Variants in ZNF738 observed in about 807,000 individuals in gnomAD.
ZNF738 encodes the protein protein ZNF738.
A neutral mutation model predicts 9.2 loss-of-function variants in ZNF738; 10 were observed. The observed-to-expected ratio is 1.09, with a 90% CI of 0.67 to 1.85. The LOEUF (loss-of-function observed/expected upper bound fraction) is 1.85. Among genes scored for constraint, ZNF738 ranks in the 40% most tolerant of loss-of-function variants. ZNF738 has a pLI of 0.00. For synonymous variants in ZNF738, 113 were observed against 94.5 expected, an observed-to-expected ratio of 1.20 and a Z score of -1.14; for missense variants, 346 against 283.6, an observed-to-expected ratio of 1.22 and a Z score of -1.58.
chr19:21,378,748 T>C, intron 4 of ZNF738: 1 of 306,374 alleles, frequency 3.3e-6, no homozygotes, highest in Admixed American at 4.6e-5. Context: ...TACGGGCATA[T>C]GCCACCACAC....
At chr19:21,368,265 G>A (rs560295478) in intron 2 of ZNF738, among the ~76,000 whole-genome samples, 1 of 151,966 alleles carries the variant, frequency 6.6e-6, no homozygotes, top group African/African-American at 2.4e-5. Flanking sequence ...TCCTCAACTA[G>A]GCCTCCATGA....
chr19:21,387,775 CAT>C lies in ZNF738; in HGVS notation c.*4103_*4104del, dbSNP rs139043452. 2.8e-4 allele frequency among the ~76,000 whole-genome samples: 43 copies of C among 152,226 alleles called. No individual in the cohort carries two copies. The highest frequency in any genetic ancestry group is 9.6e-4 in the African/African-American group (40 of 41,534). ...TTATATTGAAGATGGACATTACAAA[CAT>C]AAAGAGGGTTGTAGTACCTTTACTT... On this transcript the variant is annotated 3_prime_UTR_variant, in exon 5 of 5. Coordinates refer to ENST00000683779, the MANE Select transcript of ZNF738 (RefSeq NM_001355237.2).
Position 21,383,700 on chromosome 19 carries a change from C to T in ZNF738, c.*26C>T, listed in dbSNP as rs1974034264. On this transcript the variant is annotated 3_prime_UTR_variant, in exon 5 of 5. Coordinates refer to ENST00000683779, the MANE Select transcript of ZNF738 (RefSeq NM_001355237.2). ...TGTGGCAAAGCCTTTAATGTATTCG[C>T]AACCCTTACTAGACATAAGATAATT... 2.0e-6 allele frequency: 2 copies of T among 1,003,012 alleles called. No individual in the cohort carries two copies. Among genetic ancestry groups the T allele is most frequent in the East Asian group, 5.2e-5 (2 of 38,774 alleles). The allele number at this position is 1,003,012 out of a possible 1,614,324, so 62.1% of individuals were successfully genotyped here. A position where few individuals can be genotyped will look rare whatever the true frequency, so the allele number is the denominator to read the frequency against.
intron 1 of ZNF738, 25 bp downstream of exon 1, chr19:21,359,168 C>G (rs1386364417): frequency 4.8e-6 from 5 of 1,035,122 alleles, no homozygotes; most frequent in Non-Finnish European, 7.7e-6. Flanking sequence ...TCCAACATCC[C>G]GAGAGAGGGG....
intron 4 of ZNF738, among the ~76,000 whole-genome samples, chr19:21,379,496 C>T (rs1394680675): frequency 1.3e-5 from 2 of 152,134 alleles, no homozygotes; most frequent in Non-Finnish European, 2.9e-5. Context: ...TCACTCACTG[C>T]ACCTGTTTTC....
chr19:21,378,031 G>A (rs545676512), intron 4 of ZNF738: 11 of 397,414 alleles, frequency 2.8e-5, no homozygotes, highest in East Asian at 7.2e-5. Context: ...TTTGTGGTAC[G>A]TGGGGGATTA....
intron 2 of ZNF738, among the ~76,000 whole-genome samples, chr19:21,366,554 C>T (rs191514279): frequency 6.6e-6 from 1 of 152,152 alleles, no homozygotes; most frequent in East Asian, 1.9e-4. Context: ...TTGATCCATA[C>T]CCCAAGAGAG....
At chr19:21,382,774 A>G (rs1014020728) in intron 4 of ZNF738, 92 bp from the exon 5 acceptor site, 2 of 240,648 alleles carry the variant, frequency 8.3e-6, no homozygotes, top group African/African-American at 2.3e-5. Context: ...CATCTTGTAT[A>G]TGTAGTTTGT....
At position 21,385,058 on chromosome 19, in the gene ZNF738, T is replaced by G. The variant is rs2145245622; in HGVS notation, c.*1384T>G. On this transcript the variant is annotated 3_prime_UTR_variant, in exon 5 of 5. Coordinates refer to ENST00000683779, the MANE Select transcript of ZNF738 (RefSeq NM_001355237.2). ...ACTGGTCCTCTACCCTTACTAAAGA[T>G]AAAAGAGTTTGACTGGGTGCGGTGG... Among the ~76,000 whole-genome samples, 1 of 152,268 alleles carries G rather than the reference T, an allele frequency of 6.6e-6. No individual in the cohort carries two copies. The highest frequency in any genetic ancestry group is 2.1e-4 in the South Asian group (1 of 4,818).
At chr19:21,364,742 CTTTT>C (rs766954668) in intron 2 of ZNF738, among the ~76,000 whole-genome samples, 89,757 of 122,948 alleles carry the variant, frequency 0.73, 31,884 homozygotes, top group Middle Eastern at 0.77. Context: ...ATGGTTCTTT[CTTTT>C]TTTTTTTTTT....
At chr19:21,376,446 ATTC>A (rs1973929102) in intron 4 of ZNF738, 1 of 152,586 alleles carries the variant, frequency 6.6e-6, no homozygotes, top group African/African-American at 2.4e-5. Flanking sequence ...TTATTAGTAT[ATTC>A]TTGAAATATA....
chr19:21,359,099 G>A lies in ZNF738; in HGVS notation c.-42G>A. ...TGGTCCTGTGACCTGCAGGTATTGG[G>A]AATCCACAGCTAAGACGCCGGGACA... On this transcript the variant is annotated 5_prime_UTR_variant, in exon 1 of 5. Coordinates refer to ENST00000683779, the MANE Select transcript of ZNF738 (RefSeq NM_001355237.2). 1 of 1,027,638 alleles carries A rather than the reference G, an allele frequency of 9.7e-7. No individual in the cohort carries two copies. Among genetic ancestry groups the A allele is most frequent in the South Asian group, 1.3e-5 (1 of 79,394 alleles). 63.7% of individuals were successfully genotyped at this position (1,027,638 alleles called of 1,614,324 possible). A position where few individuals can be genotyped will look rare whatever the true frequency, so the allele number is the denominator to read the frequency against.
rs1974040666 is a variant in ZNF738 at position 21,384,249 on chromosome 19, A to G, written c.*575A>G. 7.0e-7 allele frequency: 1 copy of G among 1,424,740 alleles called. No individual in the cohort carries two copies. Among genetic ancestry groups the G allele is most frequent in the Non-Finnish European group, 9.9e-7 (1 of 1,013,634 alleles). The allele number at this position is 1,424,740 out of a possible 1,614,324, so 88.3% of individuals were successfully genotyped here. On this transcript the variant is annotated 3_prime_UTR_variant, in exon 5 of 5. Coordinates refer to ENST00000683779, the MANE Select transcript of ZNF738 (RefSeq NM_001355237.2). ...AATTCATACTGGTGAGAAACCCTAC[A>G]AATGTGAAGAATGTGGCAAAGCCTT...
intron 4 of ZNF738, chr19:21,381,490 T>A: frequency 9.6e-7 from 1 of 1,043,072 alleles, no homozygotes; most frequent in Non-Finnish European, 1.5e-6. Flanking sequence ...CAGGCTTACC[T>A]TTTTCTTTTT....
At chr19:21,360,106 A>G (rs1165210212) in intron 1 of ZNF738, among the ~76,000 whole-genome samples, 7 of 152,206 alleles carry the variant, frequency 4.6e-5, no homozygotes, top group Non-Finnish European at 4.4e-5. Context: ...TCGGAGCTCA[A>G]TTGGCAGTTT....
chr19:21,382,957 T>G lies in ZNF738; in HGVS notation c.411T>G (p.Tyr137Ter). The change falls in exon 5 of 5, where the codon TAT becomes TAG. Residue 137 changes from tyrosine (Y) to a stop codon, truncating the protein, a stop_gained. Coordinates refer to ENST00000683779, the MANE Select transcript of ZNF738 (RefSeq NM_001355237.2). LOFTEE classifies it low-confidence loss of function (END_TRUNC). ...QKVILREYGN[Y>*]GHKDLQLRKG... is the part of the protein sequence containing the mutation. ...TGATACTGAGAGAATATGGAAATTA[T>G]GGACATAAAGATTTACAGTTAAGAA... 4.7e-6 allele frequency: 3 copies of G among 635,686 alleles called. No homozygotes were observed. Among genetic ancestry groups the G allele is most frequent in the Middle Eastern group, 2.7e-4 (1 of 3,724 alleles). The allele number at this position is 635,686 out of a possible 1,614,324, so 39.4% of individuals were successfully genotyped here.
intron 4 of ZNF738, chr19:21,377,541 G>T: frequency 1.9e-6 from 1 of 528,038 alleles, no homozygotes; most frequent in Non-Finnish European, 3.4e-6. Context: ...CACAAAATTT[G>T]TCATAGGTTC....
chr19:21,368,940 A>G (rs762864635), intron 2 of ZNF738, among the ~76,000 whole-genome samples: 1 of 151,944 alleles, frequency 6.6e-6, no homozygotes, highest in Non-Finnish European at 1.5e-5. Context: ...GTTTTAGTAT[A>G]TTGGCCAGGC....
In ZNF738 at chr19:21,387,583, G is replaced by A. The variant is rs1974081585; in HGVS notation, c.*3909G>A. ...CTTAACCACCTTATTGCACAGAAAA[G>A]CATTTATGTTTGAGAAAAATTATAC... On this transcript the variant is annotated 3_prime_UTR_variant, in exon 5 of 5. Transcript: ENST00000683779. 6.6e-6 allele frequency among the ~76,000 whole-genome samples: 1 copy of A among 152,168 alleles called. No homozygotes were observed. Among genetic ancestry groups the A allele is most frequent in the East Asian group, 1.9e-4 (1 of 5,200 alleles).
Sources: allele counts gnomAD v4.1 joint callset (sites outside exome capture counted in the v4.1 genomes callset), GRCh38; gene constraint gnomAD v4.1.1; transcripts MANE v1.5; gene names NCBI Gene and HGNC (gene_info 2026-07-23, HGNC 2026-07-21).